The following C10orf67 variants were observed in gnomAD, a reference collection of about 807,000 sequenced individuals.
The protein encoded by C10orf67 is uncharacterized protein C10orf67, mitochondrial.
A neutral mutation model predicts 35.6 loss-of-function variants in C10orf67; 60 were observed. The observed-to-expected ratio is 1.68, with a 90% confidence interval of 1.37 to 2.09. C10orf67 has a LOEUF of 2.09. Ranked by LOEUF, C10orf67 falls within the 30% of genes most tolerant of loss-of-function variation. C10orf67 has a pLI of 0.00. For missense variants in C10orf67, 474 were observed against 330.2 expected (o/e 1.44, Z -3.38); for synonymous variants, 167 against 115.8 (o/e 1.44, Z -2.84).
chr10:23,311,033 C>T (rs534770289), intron 4 of C10orf67, among the ~76,000 whole-genome samples: 3 of 151,524 alleles, frequency 2.0e-5, no homozygotes, highest in African/African-American at 7.3e-5. Flanking sequence ...GTGGCATGAT[C>T]GTTGCTCACT....
chr10:23,294,406 A>AAC (rs917149451), intron 5 of C10orf67, among the ~76,000 whole-genome samples: 12 of 151,814 alleles, frequency 7.9e-5, no homozygotes, highest in African/African-American at 2.4e-4. Flanking sequence ...CACACACAGA[A>AAC]ACACACACAC....
rs537568405 is a variant in C10orf67 at position 23,261,143 on chromosome 10, T to A, written c.1200+5119A>T. Among the ~76,000 whole-genome samples, 3 of 152,172 alleles carry A rather than the reference T, an allele frequency of 2.0e-5. No individual in the cohort carries two copies. The East Asian group carries it at 5.8e-4, about 29-fold the overall frequency. On this transcript the variant is annotated intron_variant, in intron 10 of 15. Coordinates refer to ENST00000636213, the MANE Select transcript of C10orf67 (RefSeq NM_001371909.1). ...TTCATGGTATTAGGTGTAGATAACT[T>A]CTTTTTCTTTTACAGATTTGGAAGA...
intron 5 of C10orf67, among the ~76,000 whole-genome samples, chr10:23,297,174 G>T (rs532120694): frequency 2.3e-4 from 35 of 151,970 alleles, no homozygotes; most frequent in Non-Finnish European, 8.8e-5. Context: ...CTAATGGAGG[G>T]TCCTTCCTTG....
intron 2 of C10orf67, among the ~76,000 whole-genome samples, chr10:23,326,989 TA>T (rs1373912135): frequency 6.6e-6 from 1 of 151,946 alleles, no homozygotes; most frequent in Admixed American, 6.6e-5. Flanking sequence ...ATAATAATAA[TA>T]AAAAAGACAG....
intron 12 of C10orf67, among the ~76,000 whole-genome samples, chr10:23,245,210 A>C (rs1020829403): frequency 6.6e-6 from 1 of 152,242 alleles, no homozygotes; most frequent in Non-Finnish European, 1.5e-5. Flanking sequence ...AAATTAACTC[A>C]AAATGGATTA....
At chr10:23,344,099 C>T (rs955283614) in intron 1 of C10orf67, 6 of 185,440 alleles carry the variant, frequency 3.2e-5, no homozygotes, top group Non-Finnish European at 5.7e-5. Flanking sequence ...AGGTAACCGG[C>T]GAAGCGCGGG....
chr10:23,234,807 G>A (rs1842002211), intron 13 of C10orf67, among the ~76,000 whole-genome samples: 1 of 151,752 alleles, frequency 6.6e-6, no homozygotes, highest in Non-Finnish European at 1.5e-5. Flanking sequence ...GAGGTCAAGA[G>A]ATTGAGACCA....
chr10:23,243,292 T>C (rs1842229834), intron 12 of C10orf67, among the ~76,000 whole-genome samples: 1 of 152,208 alleles, frequency 6.6e-6, no homozygotes, highest in Non-Finnish European at 1.5e-5. Flanking sequence ...TTGGATATGA[T>C]GCCAAAAAAT....
At chr10:23,322,356 C>G (rs764760160) in intron 3 of C10orf67, 38 bp downstream of exon 3, 1 of 1,589,908 alleles carries the variant, frequency 6.3e-7, no homozygotes, top group Non-Finnish European at 8.6e-7. Context: ...AGCACAGTAT[C>G]AATCCACATA....
chr10:23,250,471 A>G lies in C10orf67; in HGVS notation c.1330T>C (p.Phe444Leu), dbSNP rs1842418105. ...RLNKSWEKRF[F>L]ILRNSFHVLK... ...ACACCATACCTGTTCCTGAGAATAAAGAATCTCTTTTCCCAGCTTTTATTT... is the reference window on the plus strand; with the variant it reads ...ACACCATACCTGTTCCTGAGAATAAGGAATCTCTTTTCCCAGCTTTTATTT... The change falls in exon 12 of 16, where the codon TTT becomes CTT. Residue 444 changes from phenylalanine (F) to leucine (L), a missense_variant. By Grantham distance (22) the Phe-to-Leu change is conservative. Coordinates refer to ENST00000636213, the MANE Select transcript of C10orf67 (RefSeq NM_001371909.1). The G allele has an allele frequency of 1.3e-5, 5 of 398,618 alleles. No homozygotes were observed. The highest frequency in any genetic ancestry group is 8.2e-5 in the African/African-American group (4 of 48,754). The allele number at this position is 398,618 out of a possible 1,614,324, so 24.7% of individuals were successfully genotyped here. A position where few individuals can be genotyped will look rare whatever the true frequency, so the allele number is the denominator to read the frequency against.
chr10:23,249,150 A>G (rs1842385397), intron 12 of C10orf67, among the ~76,000 whole-genome samples: 1 of 150,196 alleles, frequency 6.7e-6, no homozygotes, highest in Non-Finnish European at 1.5e-5. Context: ...AAAAAAAAAA[A>G]AAAAAAAAAA....
intron 13 of C10orf67, among the ~76,000 whole-genome samples, chr10:23,239,100 A>C (rs1048607727): frequency 6.6e-6 from 1 of 152,202 alleles, no homozygotes; most frequent in South Asian, 2.1e-4. Context: ...ACTTGTCCTC[A>C]GAGCACTTAG....
At position 23,248,257 on chromosome 10, in the gene C10orf67, A is replaced by G. The variant is rs539416460; in HGVS notation, c.1346+2198T>C. Among the ~76,000 whole-genome samples, 442 of 152,334 alleles carry G rather than the reference A, an allele frequency of 2.9e-3. 3 individuals are homozygous for G. Among genetic ancestry groups the G allele is most frequent in the African/African-American group, 0.01 (431 of 41,586 alleles). On this transcript the variant is annotated intron_variant, in intron 12 of 15. Transcript: ENST00000636213. ...ATTGCCGCCTGGGGTGGAGGTGGAA[A>G]CAGCGGCATCACCGCGGCATCAGCC...
chr10:23,236,516 C>T (rs1842058241), intron 13 of C10orf67, among the ~76,000 whole-genome samples: 1 of 152,052 alleles, frequency 6.6e-6, no homozygotes, highest in Non-Finnish European at 1.5e-5. Flanking sequence ...ATGGAACTCT[C>T]AAAGATTGCT....
intron 1 of C10orf67, among the ~76,000 whole-genome samples, chr10:23,339,744 AC>A (rs1845814487): frequency 6.6e-6 from 1 of 152,232 alleles, no homozygotes; most frequent in Non-Finnish European, 1.5e-5. Context: ...GTCTTCTTTT[AC>A]CACCTTACTG....
chr10:23,271,593 G>T (rs560976905), intron 8 of C10orf67, among the ~76,000 whole-genome samples: 1 of 152,232 alleles, frequency 6.6e-6, no homozygotes, highest in African/African-American at 2.4e-5. Flanking sequence ...TTATATGGTC[G>T]ACCTTTTAAA....
At chr10:23,299,752 C>T (rs1379812239) in intron 5 of C10orf67, among the ~76,000 whole-genome samples, 2 of 151,758 alleles carry the variant, frequency 1.3e-5, no homozygotes, top group Admixed American at 6.6e-5. Context: ...CTGAGGCGGG[C>T]GAATCATGAG....
At chr10:23,297,030 C>T (rs1003658472) in intron 5 of C10orf67, among the ~76,000 whole-genome samples, 1 of 152,326 alleles carries the variant, frequency 6.6e-6, no homozygotes, top group African/African-American at 2.4e-5. Flanking sequence ...TTTCCTTCTT[C>T]CATGGCTAGC....
At chr10:23,300,783 A>G (rs1844047741) in intron 5 of C10orf67, among the ~76,000 whole-genome samples, 1 of 152,178 alleles carries the variant, frequency 6.6e-6, no homozygotes, top group Non-Finnish European at 1.5e-5. Context: ...GTGAGGGTCT[A>G]CACTGGGAAT....
Sources: allele counts gnomAD v4.1 joint callset (sites outside exome capture counted in the v4.1 genomes callset), GRCh38; gene constraint gnomAD v4.1.1; transcripts MANE v1.5; gene names NCBI Gene and HGNC (gene_info 2026-07-23, HGNC 2026-07-21).